Variants in GATAD2B observed in about 807,000 individuals in gnomAD.
GATAD2B encodes transcriptional repressor p66-beta.
GATAD2B carries 8 observed loss-of-function variants against 64.3 expected under a neutral mutation model. The ratio of observed to expected loss-of-function variants is 0.12; its 90% CI spans 0.07 to 0.22. The LOEUF is 0.22. Among genes scored for constraint, GATAD2B ranks in the 10% least tolerant of loss-of-function variants. The probability of loss-of-function intolerance (pLI) is 1.00; values close to 1 mark genes in which losing one functional copy is unlikely to be tolerated. For missense variants in GATAD2B, 453 were observed against 752.0 expected (o/e 0.60, Z 4.65); for synonymous variants, 281 against 271.3 (o/e 1.04, Z -0.35).
intron 1 of GATAD2B, chr1:153,852,716 C>T (rs1046546234): frequency 1.3e-5 from 12 of 931,328 alleles, no homozygotes; most frequent in African/African-American, 6.5e-5. Flanking sequence ...CCTGCTCATA[C>T]GAAGTGAAGC....
intron 1 of GATAD2B, among the ~76,000 whole-genome samples, chr1:153,906,751 G>A (rs965831837): frequency 1.3e-5 from 2 of 152,128 alleles, no homozygotes; most frequent in African/African-American, 4.8e-5. Context: ...GTGGATAATG[G>A]ATTAAAATCC....
intron 1 of GATAD2B, among the ~76,000 whole-genome samples, chr1:153,857,371 G>A (rs866961256): frequency 6.6e-6 from 1 of 151,948 alleles, no homozygotes; most frequent in Non-Finnish European, 1.5e-5. Context: ...GCTTGAACCC[G>A]GGAGGCGGAG....
intron 1 of GATAD2B, among the ~76,000 whole-genome samples, chr1:153,849,771 C>G (rs373679260): frequency 6.6e-6 from 1 of 152,118 alleles, no homozygotes; most frequent in Non-Finnish European, 1.5e-5. Context: ...GCTGGGATTA[C>G]AGACATGTGC....
intron 1 of GATAD2B, among the ~76,000 whole-genome samples, chr1:153,895,051 G>T (rs1015462920): frequency 1.3e-5 from 2 of 152,166 alleles, no homozygotes; most frequent in Non-Finnish European, 2.9e-5. Flanking sequence ...CCAGCTACTT[G>T]GGAGGCTGAG....
intron 1 of GATAD2B, among the ~76,000 whole-genome samples, chr1:153,911,671 G>A (rs1401403424): frequency 6.6e-6 from 1 of 152,080 alleles, no homozygotes; most frequent in Non-Finnish European, 1.5e-5. Context: ...GGGAGGCGGA[G>A]GTTGCAGTGA....
chr1:153,922,280 G>A (rs1473305326), intron 1 of GATAD2B, among the ~76,000 whole-genome samples: 4 of 149,190 alleles, frequency 2.7e-5, no homozygotes, highest in South Asian at 2.1e-4. Flanking sequence ...ACTGGGGGTG[G>A]AGAGAGTTAA....
At chr1:153,864,614 G>A (rs1425369601) in intron 1 of GATAD2B, among the ~76,000 whole-genome samples, 2 of 151,760 alleles carry the variant, frequency 1.3e-5, no homozygotes, top group African/African-American at 4.8e-5. Context: ...AAAACCCTGT[G>A]AAAGAAAGAA....
At chr1:153,836,608 G>A (rs976857444) in intron 1 of GATAD2B, among the ~76,000 whole-genome samples, 3 of 151,214 alleles carry the variant, frequency 2.0e-5, no homozygotes, top group African/African-American at 7.3e-5. Flanking sequence ...TTTGAGCCCA[G>A]GAGTTTGAGG....
intron 1 of GATAD2B, among the ~76,000 whole-genome samples, chr1:153,831,015 C>T (rs985718005): frequency 6.6e-6 from 1 of 152,296 alleles, no homozygotes; most frequent in South Asian, 2.1e-4. Context: ...AAATGATCCT[C>T]CTGCGTCAGC....
intron 7 of GATAD2B, among the ~76,000 whole-genome samples, chr1:153,815,296 A>G (rs1674437849): frequency 1.3e-5 from 2 of 148,266 alleles, no homozygotes; most frequent in Admixed American, 6.7e-5. Flanking sequence ...AAAAAAACAA[A>G]AAAAAAAAAA....
chr1:153,884,525 C>CTGGGA (rs1413346608), intron 1 of GATAD2B, among the ~76,000 whole-genome samples: 1 of 152,084 alleles, frequency 6.6e-6, no homozygotes, highest in African/African-American at 2.4e-5. Context: ...TCGTCTGAAC[C>CTGGGA]TGGGAGGATG....
Position 153,818,151 on chromosome 1 carries a change from T to C in GATAD2B, c.618A>G (p.Ala206=). The part of the protein sequence containing the change: ...VVQKTPVVQN[A]ASIVQPSPAH... ...CAGGAGATGGCTGAACAATAGATGC[T>C]GCATTCTGTACAACTGGAGTCTGGG... The change falls in exon 5 of 11, where the codon GCA becomes GCG. Residue 206 remains alanine (A), a synonymous_variant. Coordinates refer to ENST00000368655, the MANE Select transcript of GATAD2B (RefSeq NM_020699.4). 2 of 1,611,280 alleles carry C rather than the reference T, an allele frequency of 1.2e-6. No homozygotes were observed. The highest frequency in any genetic ancestry group is 1.1e-5 in the South Asian group (1 of 90,676).
At chr1:153,869,669 G>A (rs371558721) in intron 1 of GATAD2B, among the ~76,000 whole-genome samples, 2 of 152,112 alleles carry the variant, frequency 1.3e-5, no homozygotes, top group African/African-American at 4.8e-5. Context: ...ATGGTGTTGC[G>A]AAACCAAGAT....
intron 1 of GATAD2B, among the ~76,000 whole-genome samples, chr1:153,889,976 C>T (rs947859920): frequency 2.0e-5 from 3 of 151,706 alleles, no homozygotes; most frequent in Non-Finnish European, 4.4e-5. Flanking sequence ...GAGTTGGAGA[C>T]CAGCCTGACT....
chr1:153,837,757 T>G (rs2101898846), intron 1 of GATAD2B, among the ~76,000 whole-genome samples: 1 of 152,274 alleles, frequency 6.6e-6, no homozygotes, highest in Admixed American at 6.5e-5. Flanking sequence ...TTATGTCCCC[T>G]ATTATAAAAC....
chr1:153,848,092 G>T (rs967074547), intron 1 of GATAD2B, among the ~76,000 whole-genome samples: 1 of 152,118 alleles, frequency 6.6e-6, no homozygotes, highest in African/African-American at 2.4e-5. Context: ...CCAGTGTTGA[G>T]AATCATCCCC....
rs572040370 is a variant in GATAD2B at position 153,806,602 on chromosome 1, C to T, written c.*3575G>A. 7.3e-6 allele frequency: 1 copy of T among 137,726 alleles called. No individual in the cohort carries two copies. Among genetic ancestry groups the T allele is most frequent in the Admixed American group, 7.2e-5 (1 of 13,796 alleles). 8.5% of individuals were successfully genotyped at this position (137,726 alleles called of 1,614,324 possible). A position where few individuals can be genotyped will look rare whatever the true frequency, so the allele number is the denominator to read the frequency against. The stretch of plus-strand genomic sequence containing the variant: ...ATATCCATGGCTAGGGCTTTTTTTT[C>T]TCTTTTTCAGGTTTTTTTTTTTTTC... On this transcript the variant is annotated 3_prime_UTR_variant, in exon 11 of 11. Transcript: ENST00000368655.
chr1:153,908,168 A>G (rs1295448924), intron 1 of GATAD2B, among the ~76,000 whole-genome samples: 1 of 152,068 alleles, frequency 6.6e-6, no homozygotes, highest in Admixed American at 6.6e-5. Context: ...GCACACATCT[A>G]TGTGCCAGGT....
intron 1 of GATAD2B, among the ~76,000 whole-genome samples, chr1:153,918,233 G>C (rs1678331923): frequency 6.6e-6 from 1 of 152,174 alleles, no homozygotes; most frequent in African/African-American, 2.4e-5. Flanking sequence ...CAAGAAATGA[G>C]AATTCAAAAA....
Sources: gnomAD v4.1 joint callset for allele counts (sites outside exome capture counted in the v4.1 genomes callset) on GRCh38, gnomAD v4.1.1 for gene constraint, MANE v1.5 for transcripts, NCBI Gene and HGNC (gene_info 2026-07-23, HGNC 2026-07-21) for gene names.